ZNF548: variants seen among roughly 807,000 people sequenced by gnomAD.
ZNF548 encodes zinc finger protein 548.
A neutral mutation model predicts 10.2 loss-of-function variants in ZNF548; 10 were observed. The observed-to-expected ratio is 0.98, with a 90% CI of 0.60 to 1.66. ZNF548 has a LOEUF of 1.66. ZNF548 is among the 40% of genes most tolerant of loss of function. The pLI is 0.00. For missense variants in ZNF548, 599 were observed against 657.0 expected (o/e 0.91, Z 0.97); for synonymous variants, 217 against 223.5 (o/e 0.97, Z 0.26).
In ZNF548 at chr19:57,398,838, C is replaced by G; in HGVS notation, c.587C>G (p.Thr196Arg). The G allele has an allele frequency of 6.2e-7, 1 of 1,614,032 alleles. No individual in the cohort carries two copies. The highest frequency in any genetic ancestry group is 8.5e-7 in the Non-Finnish European group (1 of 1,179,894). ...AGCGAGTGGAAGCCATACAGGGACA[C>G]AGAGGACAGAGAAGCCTTTCAGACT... ...PQSEWKPYRD[T>R]EDREAFQTGQ... Residue 196 changes from threonine to arginine, a missense_variant, in exon 4 of 4, where the codon ACA becomes AGA. Physicochemically the swap from Thr to Arg is moderately conservative, Grantham distance 71. Coordinates refer to ENST00000336128, the MANE Select transcript of ZNF548 (RefSeq NM_001172773.2).
At chr19:57,396,725 G>C (rs572374045) in intron 2 of ZNF548, among the ~76,000 whole-genome samples, 1 of 152,196 alleles carries the variant, frequency 6.6e-6, no homozygotes, top group Non-Finnish European at 1.5e-5. Context: ...TTTAGTCCAC[G>C]GACGCTATTG....
At position 57,399,713 on chromosome 19, in the gene ZNF548, C is replaced by A. The variant is rs2088699300; in HGVS notation, c.1462C>A (p.Pro488Thr). The change falls in exon 4 of 4, where the codon CCT (proline) becomes ACT (threonine). Residue 488 changes from proline (P) to threonine (T), a missense_variant. Coordinates refer to ENST00000336128, the MANE Select transcript of ZNF548 (RefSeq NM_001172773.2). The surrounding 1 kb of genome is among the most constrained non-coding windows in gnomAD (Gnocchi z 4.0). ...EHQKIHSGER[P>T]YECSECQKAF... Reference sequence around the variant, plus strand: ...CCAGAAAATCCACAGTGGAGAAAGACCTTATGAGTGCAGCGAATGCCAGAA... The same window carrying A: ...CCAGAAAATCCACAGTGGAGAAAGAACTTATGAGTGCAGCGAATGCCAGAA... 6.2e-7 allele frequency: 1 copy of A among 1,614,202 alleles called. No homozygotes were observed. The highest frequency in any genetic ancestry group is 1.1e-5 in the South Asian group (1 of 91,082).
Position 57,395,630 on chromosome 19 carries a change from A to G in ZNF548, c.51+1407A>G, listed in dbSNP as rs1272707379. On this transcript the variant is annotated intron_variant, in intron 2 of 3. Transcript: ENST00000336128. This position sits in a 1 kb window ranked among gnomAD's most constrained non-coding sequence, Gnocchi z 4.8. ...CAACCAGATCTCGTGAGAACTTACT[A>G]TTATGAGAAAGGCAAGGGGAAAATA... 6.6e-6 allele frequency among the ~76,000 whole-genome samples: 1 copy of G among 152,150 alleles called. No individual in the cohort carries two copies. The highest frequency in any genetic ancestry group is 1.9e-4 in the East Asian group (1 of 5,178).
In ZNF548 at chr19:57,399,973, G is replaced by T. The variant is rs984737813; in HGVS notation, c.*84G>T. Reference sequence around the variant, plus strand: ...AGAACATTTTTCCTCTTACCAAGAAGTAAAATGCTGTACCCATTAACAACA... The same window carrying T: ...AGAACATTTTTCCTCTTACCAAGAATTAAAATGCTGTACCCATTAACAACA... On this transcript the variant is annotated 3_prime_UTR_variant, in exon 4 of 4. Coordinates refer to ENST00000336128, the MANE Select transcript of ZNF548 (RefSeq NM_001172773.2). The surrounding 1 kb of genome is among the most constrained non-coding windows in gnomAD (Gnocchi z 4.0). 7 of 1,110,512 alleles carry T rather than the reference G, an allele frequency of 6.3e-6. No individual in the cohort carries two copies. The South Asian group carries it at 1.2e-4, about 18-fold the overall frequency. The allele number at this position is 1,110,512 out of a possible 1,614,324, so 68.8% of individuals were successfully genotyped here.
At position 57,399,839 on chromosome 19, in the gene ZNF548, C is replaced by G. The variant is rs1002340005; in HGVS notation, c.1588C>G (p.Pro530Ala). ...TGTGGGGAATTCTTTAGCTAAAACT[C>G]CAACCTCATTAAACATCAGAGATTT... is the stretch of plus-strand genomic sequence containing the variant. ...MNVGNSLAKT[P>A]TSLNIRDFTM... The change falls in exon 4 of 4, where the codon CCA becomes GCA. Residue 530 changes from proline (P) to alanine (A), a missense_variant. By Grantham distance (27) the Pro-to-Ala change is conservative. Transcript: ENST00000336128. This position sits in a 1 kb window ranked among gnomAD's most constrained non-coding sequence, Gnocchi z 4.0. 1.2e-6 allele frequency: 2 copies of G among 1,612,888 alleles called. No individual in the cohort carries two copies. The highest frequency in any genetic ancestry group is 1.7e-6 in the Non-Finnish European group (2 of 1,179,098).
At chr19:57,398,340 T>C (rs1043043541) in intron 3 of ZNF548, 90 bp from the exon 4 acceptor site, 82 of 1,559,132 alleles carry the variant, frequency 5.3e-5, no homozygotes, top group Middle Eastern at 2.0e-4. Context: ...CATGGCCTTA[T>C]TTGTGTGTGT....
At chr19:57,390,803 A>G (rs1345450155) in intron 1 of ZNF548, 1 of 152,240 alleles carries the variant, frequency 6.6e-6, no homozygotes, top group Non-Finnish European at 1.5e-5. Context: ...TGATTCTCAA[A>G]TGTCTCAAGA....
intron 2 of ZNF548, chr19:57,396,799 C>T: frequency 2.4e-6 from 1 of 419,518 alleles, no homozygotes; most frequent in South Asian, 7.0e-5. Flanking sequence ...TTAAATAATT[C>T]CAGGACACCT....
chr19:57,396,263 G>C (rs2123042231), intron 2 of ZNF548, among the ~76,000 whole-genome samples: 1 of 152,302 alleles, frequency 6.6e-6, no homozygotes, highest in East Asian at 1.9e-4. Context: ...GGTTGTCTTG[G>C]GAGGCAAGAT....
Position 57,391,776 on chromosome 19 carries a change from C to T in ZNF548, c.15+1662C>T, listed in dbSNP as rs1328049019. The stretch of plus-strand genomic sequence containing the variant: ...GTGTCTTCTTTTTGAAAAATGTCTG[C>T]CCTGTGCTTACTGTTTTTTTTTTTT... On this transcript the variant is annotated intron_variant, in intron 1 of 3. Coordinates refer to ENST00000336128, the MANE Select transcript of ZNF548 (RefSeq NM_001172773.2). Among the ~76,000 whole-genome samples, 5 of 150,670 alleles carry T rather than the reference C, an allele frequency of 3.3e-5. No homozygotes were observed. The South Asian group carries it at 8.4e-4, about 25-fold the overall frequency.
intron 1 of ZNF548, chr19:57,393,919 A>G: frequency 1.8e-6 from 1 of 557,568 alleles, no homozygotes; most frequent in Non-Finnish European, 3.1e-6. Flanking sequence ...GCTGATATAT[A>G]TAGTACATGC....
intron 1 of ZNF548, chr19:57,392,693 G>A (rs1409522790): frequency 1.1e-5 from 8 of 754,436 alleles, no homozygotes; most frequent in Non-Finnish European, 1.3e-5. Context: ...TACACCTTAT[G>A]TGTCTATTTC....
Position 57,399,944 on chromosome 19 carries a change from C to A in ZNF548, c.*55C>A. The A allele has an allele frequency of 7.3e-7, 1 of 1,375,702 alleles. No individual in the cohort carries two copies. The highest frequency in any genetic ancestry group is 1.5e-5 in the South Asian group (1 of 68,182). 85.2% of individuals were successfully genotyped at this position (1,375,702 alleles called of 1,614,324 possible). Reference sequence around the variant, plus strand: ...AATTCCACATTTTTATGCAACTAATCTCCAGAACATTTTTCCTCTTACCAA... The same window carrying A: ...AATTCCACATTTTTATGCAACTAATATCCAGAACATTTTTCCTCTTACCAA... On this transcript the variant is annotated 3_prime_UTR_variant, in exon 4 of 4. Coordinates refer to ENST00000336128, the MANE Select transcript of ZNF548 (RefSeq NM_001172773.2). This position sits in a 1 kb window ranked among gnomAD's most constrained non-coding sequence, Gnocchi z 4.0.
Position 57,389,989 on chromosome 19 carries a change from G to A in ZNF548, c.-111G>A, listed in dbSNP as rs1054183227. 73 of 1,305,926 alleles carry A rather than the reference G, an allele frequency of 5.6e-5. No homozygotes were observed. The highest frequency in any genetic ancestry group is 7.0e-5 in the Non-Finnish European group (68 of 972,622). The allele number at this position is 1,305,926 out of a possible 1,614,324, so 80.9% of individuals were successfully genotyped here. A position where few individuals can be genotyped will look rare whatever the true frequency, so the allele number is the denominator to read the frequency against. ...CGAGAAGCGGCTCGGTTCCCACCAC[G>A]GAGAGGCGGGAGTGAGTCAACTGAC... On this transcript the variant is annotated 5_prime_UTR_variant, in exon 1 of 4. Transcript: ENST00000336128.
rs759870747 is a variant in ZNF548 at position 57,399,726 on chromosome 19, G to A, written c.1475G>A (p.Ser492Asn). 1 of 1,614,234 alleles carries A rather than the reference G, an allele frequency of 6.2e-7. No individual in the cohort carries two copies. Among genetic ancestry groups the A allele is most frequent in the East Asian group, 2.2e-5 (1 of 44,892 alleles). ...AGTGGAGAAAGACCTTATGAGTGCAGCGAATGCCAGAAGGCCTTTATTAGA... is the reference window on the plus strand; with the variant it reads ...AGTGGAGAAAGACCTTATGAGTGCAACGAATGCCAGAAGGCCTTTATTAGA... ...IHSGERPYEC[S>N]ECQKAFIRKS... The change falls in exon 4 of 4, where the codon AGC becomes AAC. Residue 492 changes from serine to asparagine, a missense_variant. Physicochemically the swap from Ser to Asn is conservative, Grantham distance 46. Coordinates refer to ENST00000336128, the MANE Select transcript of ZNF548 (RefSeq NM_001172773.2). This position sits in a 1 kb window ranked among gnomAD's most constrained non-coding sequence, Gnocchi z 4.0.
At chr19:57,394,341 A>C (rs1028270184) in intron 2 of ZNF548, 118 bp downstream of exon 2, 4 of 1,020,482 alleles carry the variant, frequency 3.9e-6, no homozygotes, top group Non-Finnish European at 5.7e-6. Flanking sequence ...TGGTTTCACC[A>C]GTTAGTTTCA....
chr19:57,393,676 A>G (rs1600085390), intron 1 of ZNF548, among the ~76,000 whole-genome samples: 1 of 73,070 alleles, frequency 1.4e-5, no homozygotes, highest in Admixed American at 2.0e-4. Context: ...AGAGGAGAGG[A>G]GAGGGGAGGG....
At chr19:57,394,293 C>T in intron 2 of ZNF548, 70 bp downstream of exon 2, 1 of 1,477,854 alleles carries the variant, frequency 6.8e-7, no homozygotes, top group South Asian at 1.2e-5. Context: ...GGTGACAAAA[C>T]CTCTTTTCCT....
intron 3 of ZNF548, chr19:57,397,475 T>C (rs2088675578): frequency 2.4e-6 from 1 of 411,512 alleles, no homozygotes; most frequent in South Asian, 1.1e-4. Context: ...TCCAAACACA[T>C]GAGACCTGTG....
Sources: allele counts gnomAD v4.1 joint callset (sites outside exome capture counted in the v4.1 genomes callset), GRCh38; gene constraint gnomAD v4.1.1; non-coding constraint Gnocchi (gnomAD v3.1); transcripts MANE v1.5; gene names NCBI Gene and HGNC (gene_info 2026-07-23, HGNC 2026-07-21).